The following UPK1B variants were observed in gnomAD, a reference collection of about 807,000 sequenced individuals.
UPK1B encodes uroplakin 1B.
Under a neutral mutation model 34.2 loss-of-function variants are expected in UPK1B, and 28 were observed. That is an observed-to-expected ratio of 0.82 (90% CI 0.61 to 1.12). The LOEUF is 1.12. Among genes scored for constraint, UPK1B ranks in the 50% most tolerant of loss-of-function variants. The probability of loss-of-function intolerance (pLI) is 0.00; values close to 1 mark genes in which losing one functional copy is unlikely to be tolerated. For synonymous variants in UPK1B, 81 were observed against 110.4 expected, an observed-to-expected ratio of 0.73 and a Z score of 1.67; for missense variants, 325 against 320.9, an observed-to-expected ratio of 1.01 and a Z score of -0.10.
intron 1 of UPK1B, among the ~76,000 whole-genome samples, chr3:119,174,649 C>T (rs1435455078): frequency 2.6e-5 from 4 of 152,116 alleles, no homozygotes; most frequent in Admixed American, 6.6e-5. Context: ...TGAAAGACAA[C>T]GTTTCTTGAA....
At chr3:119,196,977 A>C (rs2078070577) in intron 6 of UPK1B, among the ~76,000 whole-genome samples, 1 of 151,940 alleles carries the variant, frequency 6.6e-6, no homozygotes, top group Non-Finnish European at 1.5e-5. Context: ...CCTCCCAACT[A>C]ACTACAGGCA....
chr3:119,193,304 T>C (rs1357079421), intron 5 of UPK1B, among the ~76,000 whole-genome samples: 2 of 152,236 alleles, frequency 1.3e-5, no homozygotes, highest in Non-Finnish European at 2.9e-5. Context: ...CTTGGTTAGA[T>C]ATTTCCCATA....
At position 119,194,304 on chromosome 3, in the gene UPK1B, C is replaced by T; in HGVS notation, c.554C>T (p.Pro185Leu). ...FRTENNDADY[P>L]WPRQCCVMNN... ...ACTGAGAATAATGATGCTGACTATCCCTGGCCTCGTCAATGCTGTGTTATG... is the reference window on the plus strand; with the variant it reads ...ACTGAGAATAATGATGCTGACTATCTCTGGCCTCGTCAATGCTGTGTTATG... The change falls in exon 6 of 8, where the codon CCC becomes CTC. Residue 185 changes from proline (P) to leucine (L), a missense_variant. Pro to Leu is a moderately conservative substitution (Grantham distance 98, BLOSUM62 -3). Coordinates refer to ENST00000264234, the MANE Select transcript of UPK1B (RefSeq NM_006952.4). The T allele has an allele frequency of 6.2e-7, 1 of 1,613,944 alleles. No individual in the cohort carries two copies. The highest frequency in any genetic ancestry group is 8.5e-7 in the Non-Finnish European group (1 of 1,179,918).
intron 7 of UPK1B, among the ~76,000 whole-genome samples, chr3:119,201,113 G>A (rs1012948846): frequency 1.3e-5 from 2 of 152,054 alleles, no homozygotes; most frequent in African/African-American, 2.4e-5. Flanking sequence ...TAGTGACTCT[G>A]CCTTGATTCT....
chr3:119,173,763 C>CTT (rs2077939863), intron 1 of UPK1B, 125 bp downstream of exon 1: 1 of 152,214 alleles, frequency 6.6e-6, no homozygotes, highest in South Asian at 2.1e-4. Context: ...TTCATAAAGT[C>CTT]TGTCATTTTT....
chr3:119,186,596 C>T (rs1467333479), intron 1 of UPK1B, 118 bp from the exon 2 acceptor site: 30 of 689,858 alleles, frequency 4.3e-5, no homozygotes, highest in South Asian at 1.4e-4. Context: ...TGTCCTTCAT[C>T]GCTAAAAGAT....
intron 1 of UPK1B, among the ~76,000 whole-genome samples, chr3:119,175,214 A>G (rs1241055627): frequency 6.6e-6 from 1 of 151,152 alleles, no homozygotes; most frequent in East Asian, 1.9e-4. Context: ...TTTTTAGTAG[A>G]GACGGGGTTT....
Position 119,203,815 on chromosome 3 carries a change from T to G in UPK1B, c.733-102T>G, listed in dbSNP as rs932323834. ...AAAAACAAACAAACAAAAAAATCTG[T>G]TGTCACCTAAGCCTGAATGAACCTA... On this transcript the variant is annotated intron_variant, in intron 7 of 7. Transcript: ENST00000264234. 7.5e-5 allele frequency: 91 copies of G among 1,207,116 alleles called. 1 individual carries two copies. Among genetic ancestry groups the G allele is most frequent in the Admixed American group, 1.4e-4 (7 of 50,784 alleles). The allele number at this position is 1,207,116 out of a possible 1,614,324, so 74.8% of individuals were successfully genotyped here. A position where few individuals can be genotyped will look rare whatever the true frequency, so the allele number is the denominator to read the frequency against.
chr3:119,185,552 C>A (rs1344138364), intron 1 of UPK1B, among the ~76,000 whole-genome samples: 2 of 151,326 alleles, frequency 1.3e-5, no homozygotes, highest in Non-Finnish European at 2.9e-5. Flanking sequence ...CTTACGTCTT[C>A]CCGCCTCAGG....
rs79103312 is a variant in UPK1B, at chr3:119,183,179, G to A, written c.-28-3535G>A. Among the ~76,000 whole-genome samples the A allele has an allele frequency of 2.1e-3, 322 of 152,184 alleles. 3 individuals carry two copies. The highest frequency in any genetic ancestry group is 7.1e-3 in the African/African-American group (296 of 41,522). ...TAGAGTGTTTAGCAAATGATCTGGCGCCAGGCAGACCTGTGTTTCAGTCTC... is the reference window on the plus strand; with the variant it reads ...TAGAGTGTTTAGCAAATGATCTGGCACCAGGCAGACCTGTGTTTCAGTCTC... On this transcript the variant is annotated intron_variant, in intron 1 of 7. Coordinates refer to ENST00000264234, the MANE Select transcript of UPK1B (RefSeq NM_006952.4).
In UPK1B at chr3:119,191,041, A is replaced by C. The variant is rs761337681; in HGVS notation, c.405A>C (p.Pro135=). 4 of 1,614,100 alleles carry C rather than the reference A, an allele frequency of 2.5e-6. No homozygotes were observed. Among genetic ancestry groups the C allele is most frequent in the Non-Finnish European group, 2.5e-6 (3 of 1,179,972 alleles). ...AGAGGTACCAAAACAACAGCCCTCC[A>C]AACAATGATGACCAGTGGAAAAACA... ...MLERYQNNSP[P]NNDDQWKNNG... Residue 135 remains proline (P), a synonymous_variant, in exon 5 of 8, where the codon CCA becomes CCC. Transcript: ENST00000264234.
chr3:119,186,561 G>A (rs1394149103), intron 1 of UPK1B, 153 bp from the exon 2 acceptor site: 1 of 608,220 alleles, frequency 1.6e-6, no homozygotes, highest in Non-Finnish European at 2.9e-6. Context: ...TAAAAGTTAT[G>A]TGATTACCAA....
chr3:119,189,533 A>G (rs1373736762), intron 3 of UPK1B, among the ~76,000 whole-genome samples: 1 of 152,264 alleles, frequency 6.6e-6, no homozygotes, highest in Non-Finnish European at 1.5e-5. Flanking sequence ...TGGAGGTATC[A>G]TGTGCACACG....
chr3:119,177,859 A>T (rs1342539775), intron 1 of UPK1B, among the ~76,000 whole-genome samples: 1 of 152,222 alleles, frequency 6.6e-6, no homozygotes, highest in Non-Finnish European at 1.5e-5. Flanking sequence ...CCATAAACAC[A>T]TATCCACAAT....
At chr3:119,190,881 G>A in intron 4 of UPK1B, 101 bp from the exon 5 acceptor site, 1 of 1,519,296 alleles carries the variant, frequency 6.6e-7, no homozygotes, top group South Asian at 1.3e-5. Context: ...CTCCAGGAGA[G>A]AATGTTCAGT....
At chr3:119,180,227 C>T (rs1258295044) in intron 1 of UPK1B, among the ~76,000 whole-genome samples, 1 of 152,190 alleles carries the variant, frequency 6.6e-6, no homozygotes, top group African/African-American at 2.4e-5. Context: ...AGTTTTTGCT[C>T]TTAAGGTTTT....
intron 5 of UPK1B, among the ~76,000 whole-genome samples, chr3:119,193,298 G>T (rs2078051965): frequency 6.6e-6 from 1 of 152,094 alleles, no homozygotes; most frequent in South Asian, 2.1e-4. Context: ...ATTTTTCTTG[G>T]TTAGATATTT....
chr3:119,187,717 T>TC, intron 2 of UPK1B, 58 bp from the exon 3 acceptor site: 5 of 707,278 alleles, frequency 7.1e-6, no homozygotes, highest in Non-Finnish European at 1.2e-5. Flanking sequence ...TTCCCCACCC[T>TC]CCACCCCCTT....
chr3:119,194,098 T>C, intron 5 of UPK1B, 121 bp from the exon 6 acceptor site: 2 of 957,368 alleles, frequency 2.1e-6, no homozygotes, highest in Non-Finnish European at 3.0e-6. Context: ...GGGGATTTCT[T>C]AGTAAATGTA....
Sources: allele counts gnomAD v4.1 joint callset (sites outside exome capture counted in the v4.1 genomes callset), GRCh38; gene constraint gnomAD v4.1.1; transcripts MANE v1.5; gene names NCBI Gene and HGNC (gene_info 2026-07-23, HGNC 2026-07-21).